THADA: variants seen among roughly 807,000 people sequenced by gnomAD.
The protein encoded by THADA is tRNA (32-2'-O)-methyltransferase regulator THADA.
THADA carries 213 observed loss-of-function variants against 219.8 expected under a neutral mutation model. The observed-to-expected ratio is 0.97, with a 90% CI of 0.87 to 1.09. The LOEUF (loss-of-function observed/expected upper bound fraction) is 1.09, where lower values mean the gene tolerates loss of function less well. Ranked by LOEUF, THADA falls within the 50% of genes least tolerant of loss-of-function variation. The pLI is 0.00. For missense variants in THADA, 2,956 were observed against 2,311.3 expected (o/e 1.28, Z -5.72); for synonymous variants, 1,018 against 828.9 (o/e 1.23, Z -3.92).
chr2:43,429,265 C>G (rs1251960105), intron 27 of THADA, among the ~76,000 whole-genome samples: 1 of 152,064 alleles, frequency 6.6e-6, no homozygotes, highest in East Asian at 1.9e-4. Context: ...GCACCACCAG[C>G]CTGGCTAATA....
chr2:43,542,885 ACTTT>A (rs1325415625), intron 20 of THADA, among the ~76,000 whole-genome samples: 1 of 152,070 alleles, frequency 6.6e-6, no homozygotes, highest in Admixed American at 6.5e-5. Flanking sequence ...TTATTATTAT[ACTTT>A]AAGTTTTAGG....
chr2:43,578,846 C>T (rs1700121599), intron 8 of THADA, among the ~76,000 whole-genome samples: 1 of 152,116 alleles, frequency 6.6e-6, no homozygotes, highest in African/African-American at 2.4e-5. Context: ...AACATAAACG[C>T]TTTTTAGAAG....
chr2:43,548,216 T>C (rs1696296374), intron 20 of THADA, among the ~76,000 whole-genome samples: 1 of 152,162 alleles, frequency 6.6e-6, no homozygotes, highest in African/African-American at 2.4e-5. Context: ...GTCTGATCGT[T>C]CCTCTGGAAG....
At chr2:43,342,353 C>T (rs1667154842) in intron 30 of THADA, among the ~76,000 whole-genome samples, 1 of 152,238 alleles carries the variant, frequency 6.6e-6, no homozygotes, top group African/African-American at 2.4e-5. Context: ...GAGATACACA[C>T]ATCCACACAT....
chr2:43,477,278 G>T (rs563463564), intron 26 of THADA, among the ~76,000 whole-genome samples: 3 of 152,086 alleles, frequency 2.0e-5, no homozygotes, highest in African/African-American at 7.2e-5. Context: ...GGAAGAGAGA[G>T]AATCTCCATG....
At chr2:43,370,036 T>TA in intron 29 of THADA, 1 of 152,312 alleles carries the variant, frequency 6.6e-6, no homozygotes, top group African/African-American at 2.4e-5. Context: ...TACTGAGCAT[T>TA]TAATTGAAAC....
intron 17 of THADA, among the ~76,000 whole-genome samples, chr2:43,552,718 T>C (rs1029469992): frequency 1.3e-5 from 2 of 152,154 alleles, no homozygotes; most frequent in Non-Finnish European, 2.9e-5. Flanking sequence ...ATTCATACAT[T>C]TGAAGTATAC....
chr2:43,450,695 TA>T (rs774276210), intron 26 of THADA, among the ~76,000 whole-genome samples: 132 of 151,374 alleles, frequency 8.7e-4, no homozygotes, highest in African/African-American at 3.1e-3. Flanking sequence ...GCAGAATGGA[TA>T]AAAAAAAACA....
rs188785523 is a variant in THADA at position 43,566,948 on chromosome 2, G to A, written c.2188-127C>T. 7.3e-5 allele frequency: 47 copies of A among 645,436 alleles called. No homozygotes were observed. The East Asian group carries it at 1.4e-3, about 20-fold the overall frequency. 40.0% of individuals were successfully genotyped at this position (645,436 alleles called of 1,614,324 possible). On this transcript the variant is annotated intron_variant, in intron 14 of 37. Coordinates refer to ENST00000405975, the MANE Select transcript of THADA (RefSeq NM_022065.5). The stretch of plus-strand genomic sequence containing the variant: ...TTAAAAATAAAACATTTCAAAAAAT[G>A]ATACTGGTTGTTCACTTTGCTTAAT...
At chr2:43,318,012 C>T (rs1024016020) in intron 31 of THADA, among the ~76,000 whole-genome samples, 8 of 151,980 alleles carry the variant, frequency 5.3e-5, no homozygotes, top group African/African-American at 1.9e-4. Flanking sequence ...TGTTATTTTT[C>T]CCATTCTAGT....
chr2:43,450,740 C>G (rs1281779875), intron 26 of THADA, among the ~76,000 whole-genome samples: 1 of 152,150 alleles, frequency 6.6e-6, no homozygotes, highest in Non-Finnish European at 1.5e-5. Flanking sequence ...AAGAGACTTG[C>G]TTTAGCTCTA....
At chr2:43,373,973 T>C (rs534073130) in intron 29 of THADA, among the ~76,000 whole-genome samples, 1 of 152,358 alleles carries the variant, frequency 6.6e-6, no homozygotes, top group East Asian at 1.9e-4. Flanking sequence ...AATTATACTT[T>C]AACAATGTCA....
rs759385254 is a variant in THADA, at chr2:43,570,341, T to C, written c.2187+47A>G. ...TCCCTTTAATGCTTATTCATAATAC[T>C]TTTTAATTTAAAAAAAAACTCTCAT... On this transcript the variant is annotated intron_variant, in intron 14 of 37. Transcript: ENST00000405975. 3 of 1,529,114 alleles carry C rather than the reference T, an allele frequency of 2.0e-6. No individual in the cohort carries two copies. In the African/African-American group the frequency reaches 4.2e-5, roughly 21 times the overall value. The allele number at this position is 1,529,114 out of a possible 1,614,324, so 94.7% of individuals were successfully genotyped here.
intron 20 of THADA, among the ~76,000 whole-genome samples, chr2:43,546,231 G>A (rs995116590): frequency 6.6e-6 from 1 of 152,028 alleles, no homozygotes; most frequent in Non-Finnish European, 1.5e-5. Context: ...TGTGGTCTGA[G>A]AGACAGTTTG....
chr2:43,243,383 A>G (rs976374580), intron 36 of THADA, among the ~76,000 whole-genome samples: 1 of 152,168 alleles, frequency 6.6e-6, no homozygotes, highest in Non-Finnish European at 1.5e-5. Flanking sequence ...TCAACATTCT[A>G]CAGTGTTCAC....
rs185623455 is a variant in THADA at position 43,571,386 on chromosome 2, G to T, written c.2064+321C>A. ...CTGCTTCAGCCTCCCAAATAGCTAG[G>T]ACTACAGGCACACACTGCCACAACC... is the stretch of plus-strand genomic sequence containing the variant. On this transcript the variant is annotated intron_variant, in intron 13 of 37. Transcript: ENST00000405975. Among the ~76,000 whole-genome samples, 3 of 151,972 alleles carry T rather than the reference G, an allele frequency of 2.0e-5. No homozygotes were observed. The East Asian group carries it at 5.8e-4, about 29-fold the overall frequency.
At chr2:43,357,041 T>A (rs1668942256) in intron 29 of THADA, among the ~76,000 whole-genome samples, 1 of 152,250 alleles carries the variant, frequency 6.6e-6, no homozygotes, top group African/African-American at 2.4e-5. Flanking sequence ...TCACATAATG[T>A]CTGACAGATG....
intron 21 of THADA, among the ~76,000 whole-genome samples, chr2:43,539,174 G>T (rs1250275024): frequency 6.6e-6 from 1 of 152,170 alleles, no homozygotes; most frequent in African/African-American, 2.4e-5. Context: ...CACTGCCTCC[G>T]TGTATTCAGA....
chr2:43,454,588 G>C (rs576331735), intron 26 of THADA, among the ~76,000 whole-genome samples: 1 of 136,306 alleles, frequency 7.3e-6, no homozygotes, highest in Non-Finnish European at 1.6e-5. Context: ...AGTGACAGAA[G>C]GAGACCCTGT....
Sources: allele counts gnomAD v4.1 joint callset (sites outside exome capture counted in the v4.1 genomes callset), GRCh38; gene constraint gnomAD v4.1.1; transcripts MANE v1.5; gene names NCBI Gene and HGNC (gene_info 2026-07-23, HGNC 2026-07-21).